PHKA1: variants seen among roughly 807,000 people sequenced by gnomAD.
The protein encoded by PHKA1 is phosphorylase b kinase regulatory subunit alpha, skeletal muscle isoform.
PHKA1 carries 60 observed loss-of-function variants against 110.2 expected under a neutral mutation model. That is an observed-to-expected ratio of 0.54 (90% CI 0.44 to 0.68). PHKA1 has a LOEUF of 0.68. Among genes scored for constraint, PHKA1 ranks in the 30% least tolerant of loss-of-function variants. The pLI is 0.00. For missense variants in PHKA1, 801 were observed against 942.5 expected, an observed-to-expected ratio of 0.85 and a Z score of 1.97; for synonymous variants, 316 against 333.6, an observed-to-expected ratio of 0.95 and a Z score of 0.58.
At chrX:72,686,308 A>G (rs1223993591) in intron 4 of PHKA1, among the ~76,000 whole-genome samples, 1 of 112,038 alleles carries the variant, frequency 8.9e-6, no homozygotes, top group East Asian at 2.8e-4. Flanking sequence ...ACCACTGCCA[A>G]ATCTCTCTGG....
At chrX:72,645,775 C>T (rs1340961814) in intron 13 of PHKA1, among the ~76,000 whole-genome samples, 1 of 111,943 alleles carries the variant, frequency 8.9e-6, no homozygotes, top group Non-Finnish European at 1.9e-5. Context: ...ACCGAAGTGG[C>T]ATACACATGG....
intron 28 of PHKA1, 53 bp from the exon 29 acceptor site, chrX:72,593,327 A>T: frequency 1.1e-6 from 1 of 949,087 alleles, no homozygotes; most frequent in Non-Finnish European, 1.5e-6. Flanking sequence ...TGTTTCTATG[A>T]TGAAGTCTTT....
chrX:72,621,887 G>GAA (rs2147709951), intron 18 of PHKA1: 1 of 751,380 alleles, frequency 1.3e-6, no homozygotes, highest in African/African-American at 2.3e-5. Flanking sequence ...CCGGAACTAG[G>GAA]AAAGTGACTC....
At position 72,702,313 on chromosome X, in the gene PHKA1, G is replaced by A. The variant is rs187234521; in HGVS notation, c.285+2885C>T. On this transcript the variant is annotated intron_variant, in intron 3 of 31. Transcript: ENST00000373542. Reference sequence around the variant, plus strand: ...AAACATACAAAAATTAGCCGAGTGTGGTGGCGCACATCTGTAATCCCAGCT... The same window carrying A: ...AAACATACAAAAATTAGCCGAGTGTAGTGGCGCACATCTGTAATCCCAGCT... 4.6e-4 allele frequency among the ~76,000 whole-genome samples: 51 copies of A among 110,728 alleles called. 1 individual carries two copies. In the Middle Eastern group the frequency reaches 0.014, roughly 30 times the overall value.
At chrX:72,694,534 C>A (rs1172438386) in intron 4 of PHKA1, among the ~76,000 whole-genome samples, 1 of 112,116 alleles carries the variant, frequency 8.9e-6, no homozygotes, top group South Asian at 3.7e-4. Flanking sequence ...TGGGCAGTAC[C>A]TTTCAAATTT....
chrX:72,702,654 A>G (rs1298114096), intron 3 of PHKA1, among the ~76,000 whole-genome samples: 1 of 111,293 alleles, frequency 9.0e-6, no homozygotes, highest in Non-Finnish European at 1.9e-5. Context: ...TTTGGGACCT[A>G]CCCATCTAGA....
At position 72,611,035 on chromosome X, in the gene PHKA1, A is replaced by G; in HGVS notation, c.2519T>C (p.Leu840Pro). 3.3e-6 allele frequency: 4 copies of G among 1,204,189 alleles called. No individual in the cohort carries two copies. Among genetic ancestry groups the G allele is most frequent in the Non-Finnish European group, 4.5e-6 (4 of 889,048 alleles). The change falls in exon 22 of 32, where the codon CTT (leucine) becomes CCT (proline). Residue 840 changes from leucine (L) to proline (P), a missense_variant. Physicochemically the swap from Leu to Pro is moderately conservative, Grantham distance 98. Around this residue, in one of 2 missense-constraint regions of PHKA1, gnomAD observed 502 missense variants for 519.2 expected, o/e 0.97. Coordinates refer to ENST00000373542, the MANE Select transcript of PHKA1 (RefSeq NM_002637.4). ...SGILRKKVEALDEACTDLLSH... is the reference protein window; with the variant it reads ...SGILRKKVEAPDEACTDLLSH... ...TTCAAGAATTTATAGTACCTCATCA[A>G]GTGCTTCCACTTTCTTCCTTAAGAT...
intron 10 of PHKA1, among the ~76,000 whole-genome samples, chrX:72,655,255 C>T (rs1348091807): frequency 9.0e-6 from 1 of 111,667 alleles, no homozygotes; most frequent in African/African-American, 3.2e-5. Flanking sequence ...AAAAAACAAA[C>T]AAACAAAAAT....
chrX:72,620,898 C>G lies in PHKA1; in HGVS notation c.1964G>C (p.Arg655Pro), dbSNP rs782528091. ...ATAACGAGCAACTTCATCACCACAG[C>G]GAGCTGCAAGGTTAGTGGGGGGAGG... is the stretch of plus-strand genomic sequence containing the variant. ...MNDYDSTSHARCGDEVARYLD... is the reference protein window; with the variant it reads ...MNDYDSTSHAPCGDEVARYLD... Residue 655 changes from arginine to proline, a missense_variant, in exon 19 of 32, where the codon CGC becomes CCC. This residue lies in a region of PHKA1 where 502 missense variants were observed against 519.2 expected (regional missense o/e 0.97). Coordinates refer to ENST00000373542, the MANE Select transcript of PHKA1 (RefSeq NM_002637.4). 2.5e-6 allele frequency: 3 copies of G among 1,207,553 alleles called. No individual in the cohort carries two copies. The highest frequency in any genetic ancestry group is 3.4e-6 in the Non-Finnish European group (3 of 894,439).
chrX:72,667,789 G>T (rs2053631524), intron 6 of PHKA1, among the ~76,000 whole-genome samples: 3 of 111,048 alleles, frequency 2.7e-5, no homozygotes, highest in Admixed American at 9.6e-5. Context: ...TTTTAAAATA[G>T]AATTTATTTA....
intron 30 of PHKA1, among the ~76,000 whole-genome samples, chrX:72,583,046 T>C (rs1819282768): frequency 8.9e-6 from 1 of 112,102 alleles, no homozygotes; most frequent in African/African-American, 3.2e-5. Flanking sequence ...GTATGTATAA[T>C]ACATAAAAAT....
intron 22 of PHKA1, among the ~76,000 whole-genome samples, chrX:72,610,528 A>T (rs2052793271): frequency 8.9e-6 from 1 of 112,092 alleles, no homozygotes; most frequent in South Asian, 3.7e-4. Context: ...CTTCTGATGG[A>T]CATTTAGGTT....
intron 22 of PHKA1, among the ~76,000 whole-genome samples, chrX:72,609,931 T>C (rs1180569859): frequency 9.0e-6 from 1 of 111,456 alleles, no homozygotes; most frequent in Non-Finnish European, 1.9e-5. Flanking sequence ...GGTTGGTTTA[T>C]GGGGTTTTTT....
At chrX:72,618,302 G>C (rs1556271988) in intron 21 of PHKA1, among the ~76,000 whole-genome samples, 1 of 111,823 alleles carries the variant, frequency 8.9e-6, no homozygotes, top group Non-Finnish European at 1.9e-5. Flanking sequence ...CTAGCAGGAT[G>C]CCTGACACAT....
Position 72,620,889 on chromosome X carries a change from T to C in PHKA1, c.1973A>G (p.Asp658Gly), listed in dbSNP as rs141479442. 3 of 1,207,873 alleles carry C rather than the reference T, an allele frequency of 2.5e-6. No individual in the cohort carries two copies. The African/African-American group carries it at 5.3e-5, about 21-fold the overall frequency. Reference protein sequence around the residue: ...YDSTSHARCGDEVARYLDHLL... With the variant: ...YDSTSHARCGGEVARYLDHLL... ...GTGATCTAAATAACGAGCAACTTCATCACCACAGCGAGCTGCAAGGTTAGT... is the reference window on the plus strand; with the variant it reads ...GTGATCTAAATAACGAGCAACTTCACCACCACAGCGAGCTGCAAGGTTAGT... Residue 658 changes from aspartate to glycine, a missense_variant, in exon 19 of 32, where the codon GAT becomes GGT. Asp to Gly is a moderately conservative substitution (Grantham distance 94, BLOSUM62 -1). This residue lies in a region of PHKA1 where 502 missense variants were observed against 519.2 expected (regional missense o/e 0.97). Coordinates refer to ENST00000373542, the MANE Select transcript of PHKA1 (RefSeq NM_002637.4).
chrX:72,591,909 C>T (rs1412580350), intron 29 of PHKA1, among the ~76,000 whole-genome samples: 1 of 112,192 alleles, frequency 8.9e-6, no homozygotes, highest in Admixed American at 9.4e-5. Context: ...ATGCATTTAT[C>T]GGACATGTAC....
chrX:72,584,226 A>G, intron 30 of PHKA1, 23 bp downstream of exon 30: 6 of 1,165,435 alleles, frequency 5.1e-6, no homozygotes, highest in Non-Finnish European at 5.9e-6. Flanking sequence ...AGTCACATAA[A>G]TGTGCAAGAA....
intron 3 of PHKA1, among the ~76,000 whole-genome samples, chrX:72,702,300 A>G (rs2147836791): frequency 9.0e-6 from 1 of 110,782 alleles, no homozygotes; most frequent in South Asian, 3.9e-4. Flanking sequence ...ACATACAAAA[A>G]TTAGCCGAGT....
At chrX:72,627,944 A>C (rs1286176582) in intron 16 of PHKA1, among the ~76,000 whole-genome samples, 1 of 106,838 alleles carries the variant, frequency 9.4e-6, no homozygotes, top group Non-Finnish European at 1.9e-5. Flanking sequence ...CAGCCTCCCG[A>C]GTAGCTGGGA....
Sources: allele counts gnomAD v4.1 joint callset (sites outside exome capture counted in the v4.1 genomes callset), GRCh38; gene constraint gnomAD v4.1.1; regional missense constraint gnomAD v4.1.1; transcripts MANE v1.5; gene names NCBI Gene and HGNC (gene_info 2026-07-23, HGNC 2026-07-21).